The following GRIP1 variants were observed in gnomAD, a reference collection of about 807,000 sequenced individuals.
GRIP1 encodes glutamate receptor interacting protein 1.
GRIP1 carries 45 observed loss-of-function variants against 129.9 expected under a neutral mutation model. That is an observed-to-expected ratio of 0.35 (90% CI 0.27 to 0.44). GRIP1 has a LOEUF of 0.44. Among genes scored for constraint, GRIP1 ranks in the 20% least tolerant of loss-of-function variants. The pLI is 1.00. For synonymous variants in GRIP1, 530 were observed against 520.8 expected, an observed-to-expected ratio of 1.02 and a Z score of -0.24; for missense variants, 1,196 against 1,396.8, an observed-to-expected ratio of 0.86 and a Z score of 2.29.
At chr12:66,468,289 G>A (rs1388428032) in intron 7 of GRIP1, among the ~76,000 whole-genome samples, 1 of 152,200 alleles carries the variant, frequency 6.6e-6, no homozygotes, top group Non-Finnish European at 1.5e-5. Flanking sequence ...CAACCATGCA[G>A]ACCAGGGCAT....
At chr12:66,395,977 T>G (rs1196618453) in intron 16 of GRIP1, among the ~76,000 whole-genome samples, 1 of 152,186 alleles carries the variant, frequency 6.6e-6, no homozygotes, top group Non-Finnish European at 1.5e-5. Context: ...CAGTACGATA[T>G]TTTGTCACCT....
At chr12:66,710,452 G>T (rs1431493401) in intron 1 of GRIP1, among the ~76,000 whole-genome samples, 1 of 151,882 alleles carries the variant, frequency 6.6e-6, no homozygotes, top group Non-Finnish European at 1.5e-5. Context: ...TCTTGAAAAT[G>T]TCTTATTCTT....
chr12:66,785,313 TACATACATACATACATAC>T (rs1566020921), intron 1 of GRIP1, among the ~76,000 whole-genome samples: 63 of 49,100 alleles, frequency 1.3e-3, no homozygotes, highest in Middle Eastern at 9.6e-3. Context: ...TTAACATACA[TACATACATACATACATAC>T]ATACATACAT....
intron 2 of GRIP1, among the ~76,000 whole-genome samples, chr12:66,572,024 C>T (rs1247942326): frequency 6.6e-6 from 1 of 152,136 alleles, no homozygotes; most frequent in Non-Finnish European, 1.5e-5. Flanking sequence ...ATCAACTTCT[C>T]AGGCCTAAAA....
chr12:66,852,576 G>GTATATGTA (rs539396033), intron 1 of GRIP1, among the ~76,000 whole-genome samples: 1 of 150,698 alleles, frequency 6.6e-6, no homozygotes, highest in South Asian at 2.1e-4. Context: ...ATGCATACAG[G>GTATATGTA]TATATGTATA....
intron 1 of GRIP1, among the ~76,000 whole-genome samples, chr12:66,824,288 T>C (rs1256528072): frequency 6.6e-6 from 1 of 152,148 alleles, no homozygotes; most frequent in Non-Finnish European, 1.5e-5. Context: ...GGTTGAAAGG[T>C]GGACGGTTTC....
chr12:67,034,682 A>G (rs1177650134), intron 1 of GRIP1, among the ~76,000 whole-genome samples: 1 of 152,208 alleles, frequency 6.6e-6, no homozygotes, highest in Non-Finnish European at 1.5e-5. Flanking sequence ...TTTTTAACAC[A>G]ACTGGCAGAG....
At chr12:66,900,682 G>A (rs1285520074) in intron 1 of GRIP1, among the ~76,000 whole-genome samples, 1 of 152,156 alleles carries the variant, frequency 6.6e-6, no homozygotes, top group Non-Finnish European at 1.5e-5. Flanking sequence ...GAGGAAGAAG[G>A]GAAGGGCCAA....
chr12:66,357,615 G>A (rs957321817), intron 23 of GRIP1, among the ~76,000 whole-genome samples: 14 of 152,146 alleles, frequency 9.2e-5, no homozygotes, highest in African/African-American at 2.9e-4. Flanking sequence ...GTTGCAAAGC[G>A]ATAATCTTTT....
chr12:66,826,106 C>T (rs1314448974), intron 1 of GRIP1, among the ~76,000 whole-genome samples: 1 of 152,150 alleles, frequency 6.6e-6, no homozygotes, highest in Non-Finnish European at 1.5e-5. Context: ...GGCACATATA[C>T]ACCATGGAAT....
chr12:66,515,381 G>C (rs966142287), intron 7 of GRIP1, among the ~76,000 whole-genome samples: 1 of 152,128 alleles, frequency 6.6e-6, no homozygotes, highest in African/African-American at 2.4e-5. Context: ...ATTGCTAGGT[G>C]AAACACTGAC....
chr12:66,562,202 C>T (rs945500746), intron 2 of GRIP1, among the ~76,000 whole-genome samples: 2 of 152,180 alleles, frequency 1.3e-5, no homozygotes, highest in African/African-American at 4.8e-5. Context: ...TATTAAATAA[C>T]TCAAAGCACA....
chr12:66,759,025 C>T (rs1172017868), intron 1 of GRIP1, among the ~76,000 whole-genome samples: 1 of 152,092 alleles, frequency 6.6e-6, no homozygotes, highest in Non-Finnish European at 1.5e-5. Flanking sequence ...CACAGCTCTG[C>T]CCCCAGTAGG....
chr12:66,538,765 A>G (rs1161808094), intron 4 of GRIP1, among the ~76,000 whole-genome samples: 2 of 150,704 alleles, frequency 1.3e-5, no homozygotes, highest in African/African-American at 4.9e-5. Flanking sequence ...ACCATGCCCG[A>G]CTAATTTTTC....
rs139780720 is a variant in GRIP1 at position 66,846,681 on chromosome 12, C to A, written c.58+222369G>T. On this transcript the variant is annotated intron_variant, in intron 1 of 1. Coordinates refer to the GRIP1 transcript ENST00000643019. The stretch of plus-strand genomic sequence containing the variant: ...AAATCATCCAATAGTATACATTAAA[C>A]AGGTGCAGACTTTGTGTATCAATTC... Among the ~76,000 whole-genome samples the A allele has an allele frequency of 2.0e-3, 299 of 152,294 alleles. 1 individual carries two copies. The highest frequency in any genetic ancestry group is 6.7e-3 in the African/African-American group (280 of 41,570).
chr12:66,673,559 T>C (rs2034181992), intron 1 of GRIP1, among the ~76,000 whole-genome samples: 1 of 152,184 alleles, frequency 6.6e-6, no homozygotes, highest in Non-Finnish European at 1.5e-5. Context: ...ATTTCTAGCA[T>C]CCAATTCCCA....
Position 66,550,686 on chromosome 12 carries a change from C to T in GRIP1, c.137-8736G>A, listed in dbSNP as rs184859313. ...TACGCTGGAGTGACATTTTATAATT[C>T]GTGTGTATGTTGGGTAGGGGGATGT... On this transcript the variant is annotated intron_variant, in intron 2 of 24. Transcript: ENST00000359742. Among the ~76,000 whole-genome samples the T allele has an allele frequency of 2.4e-4, 36 of 152,234 alleles. No individual in the cohort carries two copies. The East Asian group carries it at 5.0e-3, about 21-fold the overall frequency.
intron 1 of GRIP1, among the ~76,000 whole-genome samples, chr12:66,707,474 T>C (rs2035569624): frequency 6.9e-6 from 1 of 144,480 alleles, no homozygotes; most frequent in South Asian, 2.2e-4. Context: ...ACAGACCTTG[T>C]GATTTAACTG....
At chr12:66,977,118 T>C (rs943216878) in intron 1 of GRIP1, among the ~76,000 whole-genome samples, 3 of 152,064 alleles carry the variant, frequency 2.0e-5, no homozygotes, top group Admixed American at 6.6e-5. Flanking sequence ...CAGAGAAAGA[T>C]TCATCAATTT....
Sources: gnomAD v4.1 joint callset for allele counts (sites outside exome capture counted in the v4.1 genomes callset) on GRCh38, gnomAD v4.1.1 for gene constraint, MANE v1.5 for transcripts, NCBI Gene and HGNC (gene_info 2026-07-23, HGNC 2026-07-21) for gene names.